Variants in FOXK1 observed in about 807,000 individuals in gnomAD.
FOXK1 encodes forkhead box protein K1.
Under a neutral mutation model 51.9 loss-of-function variants are expected in FOXK1, and 19 were observed. The observed-to-expected ratio is 0.37, with a 90% confidence interval of 0.26 to 0.54. FOXK1 has a LOEUF of 0.54. Among genes scored for constraint, FOXK1 ranks in the 20% least tolerant of loss-of-function variants. The pLI is 0.87. For synonymous variants in FOXK1, 537 were observed against 482.6 expected, an observed-to-expected ratio of 1.11 and a Z score of -1.48; for missense variants, 870 against 1,032.7, an observed-to-expected ratio of 0.84 and a Z score of 2.16.
intron 1 of FOXK1, among the ~76,000 whole-genome samples, chr7:4,687,202 G>A (rs1336766588): frequency 1.3e-5 from 2 of 151,984 alleles, no homozygotes; most frequent in Admixed American, 6.6e-5. Context: ...AAAGTGCTGG[G>A]ATTACAGGCG....
At position 4,757,121 on chromosome 7, in the gene FOXK1, C is replaced by T; in HGVS notation, c.1178C>T (p.Ala393Val). The change falls in exon 5 of 9, where the codon GCA becomes GTA. Residue 393 changes from alanine to valine, a missense_variant. Around this residue, in one of 3 missense-constraint regions of FOXK1, gnomAD observed 457 missense variants for 510.8 expected, o/e 0.89. Coordinates refer to ENST00000328914, the MANE Select transcript of FOXK1 (RefSeq NM_001037165.2). ...PASEAKLVEQ[A>V]FRKRRQRGVS... ...TCTGAAGCCAAGCTCGTGGAACAGG[C>T]ATTCCGGAAACGGAGGCAGAGGGGT... 1 of 1,613,580 alleles carries T rather than the reference C, an allele frequency of 6.2e-7. No individual in the cohort carries two copies. The highest frequency in any genetic ancestry group is 8.5e-7 in the Non-Finnish European group (1 of 1,179,968).
chr7:4,690,887 C>G (rs1364765684), intron 1 of FOXK1, among the ~76,000 whole-genome samples: 1 of 152,172 alleles, frequency 6.6e-6, no homozygotes, highest in Non-Finnish European at 1.5e-5. Flanking sequence ...AGCAATGCCT[C>G]ATTTCCATAA....
chr7:4,717,107 G>T (rs1780244783), intron 1 of FOXK1, among the ~76,000 whole-genome samples: 1 of 150,742 alleles, frequency 6.6e-6, no homozygotes, highest in African/African-American at 2.4e-5. Flanking sequence ...TGGTTGAGAG[G>T]TGCGTGGCTG....
At chr7:4,728,426 C>G (rs186283111) in intron 1 of FOXK1, among the ~76,000 whole-genome samples, 29 of 152,324 alleles carry the variant, frequency 1.9e-4, no homozygotes, top group African/African-American at 6.7e-4. Flanking sequence ...AAACTTGTTT[C>G]TATGCATTCA....
chr7:4,746,038 C>T (rs916814442), intron 2 of FOXK1, among the ~76,000 whole-genome samples: 1 of 152,310 alleles, frequency 6.6e-6, no homozygotes, highest in Non-Finnish European at 1.5e-5. Flanking sequence ...AGTGAAAGGA[C>T]ATTGCACAGA....
intron 1 of FOXK1, among the ~76,000 whole-genome samples, chr7:4,714,366 C>G (rs1209660686): frequency 6.6e-6 from 1 of 152,202 alleles, no homozygotes; most frequent in Non-Finnish European, 1.5e-5. Flanking sequence ...GCAGCCTCCA[C>G]TTCTGGGGTT....
intron 1 of FOXK1, among the ~76,000 whole-genome samples, chr7:4,725,522 G>T (rs889390691): frequency 6.6e-6 from 1 of 152,244 alleles, no homozygotes; most frequent in Non-Finnish European, 1.5e-5. Context: ...CTTTCGCTCC[G>T]CAGGAGTGAG....
At chr7:4,760,774 C>G (rs1258558141) in intron 7 of FOXK1, among the ~76,000 whole-genome samples, 1 of 152,172 alleles carries the variant, frequency 6.6e-6, no homozygotes, top group African/African-American at 2.4e-5. Flanking sequence ...TCGCTTGAAC[C>G]CGGGAGGCGG....
rs1780662165 is a variant in FOXK1 at position 4,743,545 on chromosome 7, A to G, written c.746+2522A>G. ...AGCCCGGGCGATAGAGCGAGACTCC[A>G]TTTCTCAGTAAATAAATAAATGGTG... is the stretch of plus-strand genomic sequence containing the variant. On this transcript the variant is annotated intron_variant, in intron 2 of 8. Transcript: ENST00000328914. This position sits in a 1 kb window ranked among gnomAD's most constrained non-coding sequence, Gnocchi z 5.3. Among the ~76,000 whole-genome samples the G allele has an allele frequency of 1.3e-5, 2 of 152,208 alleles. No individual in the cohort carries two copies. The highest frequency in any genetic ancestry group is 4.8e-5 in the African/African-American group (2 of 41,458).
rs1309121215 is a variant in FOXK1, at chr7:4,748,782, G to A, written c.747-5677G>A. Among the ~76,000 whole-genome samples, 7 of 152,134 alleles carry A rather than the reference G, an allele frequency of 4.6e-5. No individual in the cohort carries two copies. The highest frequency in any genetic ancestry group is 1.0e-4 in the Non-Finnish European group (7 of 68,026). On this transcript the variant is annotated intron_variant, in intron 2 of 8. Coordinates refer to ENST00000328914, the MANE Select transcript of FOXK1 (RefSeq NM_001037165.2). The surrounding 1 kb of genome is among the most constrained non-coding windows in gnomAD (Gnocchi z 4.9). Reference sequence around the variant, plus strand: ...CAGGCTGGTACTTCTGGGCTCAAGCGAGCCTCCTGCCTCAGCCTCCCGAGT... The same window carrying A: ...CAGGCTGGTACTTCTGGGCTCAAGCAAGCCTCCTGCCTCAGCCTCCCGAGT...
Position 4,733,723 on chromosome 7 carries a change from G to A in FOXK1, c.561-7115G>A, listed in dbSNP as rs113082099. On this transcript the variant is annotated intron_variant, in intron 1 of 8. Transcript: ENST00000328914. The surrounding 1 kb of genome is among the most constrained non-coding windows in gnomAD (Gnocchi z 5.0). ...GAACTGCATCCTGCAGGTATCGCTC[G>A]TGAAAACCGGCCTGGCGTCTTCTGG... 2.0e-5 allele frequency among the ~76,000 whole-genome samples: 3 copies of A among 152,240 alleles called. No homozygotes were observed. The highest frequency in any genetic ancestry group is 4.4e-5 in the Non-Finnish European group (3 of 68,046).
chr7:4,685,504 G>T (rs1301467571), intron 1 of FOXK1, among the ~76,000 whole-genome samples: 1 of 150,718 alleles, frequency 6.6e-6, no homozygotes, highest in African/African-American at 2.4e-5. Context: ...ATACAGGCGT[G>T]AGCCCCTGCG....
chr7:4,754,305 G>A (rs538044814), intron 2 of FOXK1, among the ~76,000 whole-genome samples, 154 bp from the exon 3 acceptor site: 4 of 152,334 alleles, frequency 2.6e-5, no homozygotes, highest in East Asian at 1.9e-4. Context: ...CCGCCGCTGC[G>A]TGACCTTGGC....
chr7:4,744,225 C>CTGTGTTTTAAATT (rs2115063245), intron 2 of FOXK1, among the ~76,000 whole-genome samples: 1 of 152,274 alleles, frequency 6.6e-6, no homozygotes, highest in Non-Finnish European at 1.5e-5. Context: ...TAAGTGATAC[C>CTGTGTTTTAAATT]TGTGTTTTAA....
intron 1 of FOXK1, among the ~76,000 whole-genome samples, chr7:4,698,487 T>C (rs1233026617): frequency 1.3e-5 from 2 of 152,132 alleles, no homozygotes; most frequent in Non-Finnish European, 2.9e-5. Flanking sequence ...TCACAGTCTG[T>C]TATTAAATTT....
chr7:4,757,310 A>T (rs567364297), intron 5 of FOXK1, 123 bp downstream of exon 5: 1 of 839,712 alleles, frequency 1.2e-6, no homozygotes, highest in African/African-American at 1.7e-5. Flanking sequence ...ACGGGCATGC[A>T]ACTGATCACA....
In FOXK1 at chr7:4,729,962, C is replaced by G. The variant is rs1780428866; in HGVS notation, c.561-10876C>G. On this transcript the variant is annotated intron_variant, in intron 1 of 8. Transcript: ENST00000328914. This position sits in a 1 kb window ranked among gnomAD's most constrained non-coding sequence, Gnocchi z 6.2. ...CTGAGATCCAGCCACTGCCCTCCAG[C>G]CTGGGCGACAGAGCGAGACTCTGTC... Among the ~76,000 whole-genome samples the G allele has an allele frequency of 6.6e-6, 1 of 152,082 alleles. No individual in the cohort carries two copies. The highest frequency in any genetic ancestry group is 1.5e-5 in the Non-Finnish European group (1 of 68,016).
In FOXK1 at chr7:4,715,446, C is replaced by G. The variant is rs1048935046; in HGVS notation, c.561-25392C>G. ...GCACCCATCCTTGCCCTGCCTCCCT[C>G]CTTCTAGGGGGTTGGCTGGAACTCG... On this transcript the variant is annotated intron_variant, in intron 1 of 8. Coordinates refer to ENST00000328914, the MANE Select transcript of FOXK1 (RefSeq NM_001037165.2). The surrounding 1 kb of genome is among the most constrained non-coding windows in gnomAD (Gnocchi z 4.5). Among the ~76,000 whole-genome samples the G allele has an allele frequency of 1.3e-5, 2 of 152,132 alleles. No homozygotes were observed. Among genetic ancestry groups the G allele is most frequent in the Non-Finnish European group, 2.9e-5 (2 of 68,020 alleles).
At chr7:4,759,743 C>T (rs760904200) in intron 7 of FOXK1, 148 bp downstream of exon 7, 3 of 1,001,688 alleles carry the variant, frequency 3.0e-6, no homozygotes, top group African/African-American at 1.6e-5. Context: ...CCCTTTAAAT[C>T]AGCATGAGCT....
Sources: gnomAD v4.1 joint callset for allele counts (sites outside exome capture counted in the v4.1 genomes callset) on GRCh38, gnomAD v4.1.1 for gene constraint, gnomAD v4.1.1 regional missense constraint, Gnocchi (gnomAD v3.1) non-coding constraint, MANE v1.5 for transcripts, NCBI Gene and HGNC (gene_info 2026-07-23, HGNC 2026-07-21) for gene names.